The following TMC7 variants were observed in gnomAD, a reference collection of about 807,000 sequenced individuals.
The protein encoded by TMC7 is transmembrane channel like 7, also known as transmembrane channel-like protein 7.
Under a neutral mutation model 82.9 loss-of-function variants are expected in TMC7, and 54 were observed. The ratio of observed to expected loss-of-function variants is 0.65; its 90% CI spans 0.52 to 0.82. The LOEUF (loss-of-function observed/expected upper bound fraction) is 0.82, where lower values mean the gene tolerates loss of function less well. TMC7 is among the 40% of genes least tolerant of loss of function. The pLI is 0.00. For missense variants in TMC7, 820 were observed against 901.2 expected (o/e 0.91, Z 1.15); for synonymous variants, 350 against 337.9 (o/e 1.04, Z -0.39).
rs1960711799 is a variant in TMC7, at chr16:19,035,675, G to T, written c.858-1G>T. 6.2e-7 allele frequency: 1 copy of T among 1,614,028 alleles called. No individual in the cohort carries two copies. The highest frequency in any genetic ancestry group is 1.1e-5 in the South Asian group (1 of 91,078). ...GAAGGATGATTGTGTTTTGGGGTCA[G>T]GTCGGTGGAAGGATTCAAAATCAAC... On this transcript the variant is annotated splice_acceptor_variant, in intron 6 of 15. Coordinates refer to ENST00000304381, the MANE Select transcript of TMC7 (RefSeq NM_024847.4). LOFTEE classifies it high-confidence loss of function.
chr16:19,046,652 T>G (rs970877151), intron 11 of TMC7, among the ~76,000 whole-genome samples: 3 of 151,706 alleles, frequency 2.0e-5, no homozygotes, highest in Admixed American at 1.3e-4. Context: ...CTGGGCAAAA[T>G]AGCGAGACCC....
intron 13 of TMC7, among the ~76,000 whole-genome samples, chr16:19,054,831 G>A (rs565798857): frequency 3.7e-5 from 5 of 133,922 alleles, no homozygotes; most frequent in South Asian, 2.5e-4. Flanking sequence ...TGCAACCTCC[G>A]TCTCCCAGGT....
At chr16:19,008,257 G>C (rs1258790707) in intron 1 of TMC7, among the ~76,000 whole-genome samples, 1 of 152,068 alleles carries the variant, frequency 6.6e-6, no homozygotes, top group East Asian at 1.9e-4. Context: ...CAGAAAGCCC[G>C]CCTGCCTTAG....
chr16:18,994,060 G>A (rs943893672), intron 1 of TMC7, among the ~76,000 whole-genome samples: 1 of 152,154 alleles, frequency 6.6e-6, no homozygotes, highest in Non-Finnish European at 1.5e-5. Flanking sequence ...ACAGTCATGG[G>A]GGTCAGGTGT....
At chr16:19,047,396 AT>A (rs1260977352) in intron 12 of TMC7, 147 bp downstream of exon 12, 1 of 612,574 alleles carries the variant, frequency 1.6e-6, no homozygotes, top group Non-Finnish European at 2.6e-6. Flanking sequence ...CTAGAAAAAT[AT>A]TGCTTTTTTT....
At chr16:18,994,685 C>T (rs575825471) in intron 1 of TMC7, among the ~76,000 whole-genome samples, 1 of 152,094 alleles carries the variant, frequency 6.6e-6, no homozygotes, top group South Asian at 2.1e-4. Context: ...ATGGGTTTGG[C>T]ACCACGGGGT....
chr16:18,996,203 G>T (rs2039041507), intron 1 of TMC7, among the ~76,000 whole-genome samples: 1 of 152,120 alleles, frequency 6.6e-6, no homozygotes, highest in African/African-American at 2.4e-5. Flanking sequence ...GCGAGGAGCA[G>T]CCTGGGGAGA....
intron 1 of TMC7, among the ~76,000 whole-genome samples, chr16:18,985,836 G>A (rs1258831203): frequency 2.6e-5 from 4 of 151,856 alleles, no homozygotes; most frequent in Non-Finnish European, 5.9e-5. Context: ...GGGGTGGGGC[G>A]GGGGATGGGG....
intron 5 of TMC7, among the ~76,000 whole-genome samples, chr16:19,026,071 G>A (rs747414388): frequency 6.6e-6 from 1 of 151,544 alleles, no homozygotes; most frequent in Non-Finnish European, 1.5e-5. Flanking sequence ...CCACTATGCC[G>A]CACCTGATTT....
intron 3 of TMC7, among the ~76,000 whole-genome samples, chr16:19,020,950 C>T (rs937643626): frequency 2.6e-5 from 4 of 151,922 alleles, no homozygotes; most frequent in Non-Finnish European, 5.9e-5. Context: ...GCACAGAAAA[C>T]TATAATAGTA....
intron 1 of TMC7, among the ~76,000 whole-genome samples, chr16:19,000,220 C>G (rs2039118300): frequency 6.6e-6 from 1 of 151,984 alleles, no homozygotes; most frequent in African/African-American, 2.4e-5. Flanking sequence ...AATCCCAGCA[C>G]TTTGGGAGGC....
At chr16:19,055,507 AC>A (rs1044827880) in intron 13 of TMC7, among the ~76,000 whole-genome samples, 5 of 152,020 alleles carry the variant, frequency 3.3e-5, no homozygotes, top group African/African-American at 9.7e-5. Context: ...GCAGGCGCCC[AC>A]CACCATGCCC....
At chr16:19,035,610 A>G (rs1960706825) in intron 6 of TMC7, 66 bp from the exon 7 acceptor site, 4 of 1,602,154 alleles carry the variant, frequency 2.5e-6, no homozygotes, top group Non-Finnish European at 3.4e-6. Context: ...TTTCAGACAC[A>G]GCCAATTCAG....
rs2038797326 is a variant in TMC7 at position 18,984,055 on chromosome 16, G to A, written c.-9G>A. The A allele has an allele frequency of 2.0e-6, 3 of 1,478,042 alleles. No individual in the cohort carries two copies. Among genetic ancestry groups the A allele is most frequent in the Non-Finnish European group, 2.7e-6 (3 of 1,122,040 alleles). The allele number at this position is 1,478,042 out of a possible 1,614,324, so 91.6% of individuals were successfully genotyped here. ...CCTCGGCAGCCTCTGAGGAGCGCGGGGCGCGGCCATGAGCGAGTCCAGCGG... is the reference window on the plus strand; with the variant it reads ...CCTCGGCAGCCTCTGAGGAGCGCGGAGCGCGGCCATGAGCGAGTCCAGCGG... On this transcript the variant is annotated 5_prime_UTR_variant, in exon 1 of 16. Transcript: ENST00000304381.
At chr16:19,026,887 A>G (rs927265325) in intron 5 of TMC7, among the ~76,000 whole-genome samples, 25 of 151,230 alleles carry the variant, frequency 1.7e-4, no homozygotes, top group African/African-American at 6.1e-4. Flanking sequence ...TCAGCCTCCC[A>G]AGTAGCTGGG....
At chr16:19,059,022 C>T (rs778129063) in intron 14 of TMC7, among the ~76,000 whole-genome samples, 4 of 152,228 alleles carry the variant, frequency 2.6e-5, no homozygotes, top group Non-Finnish European at 4.4e-5. Flanking sequence ...GGATTATAGG[C>T]GTCCACCACC....
intron 2 of TMC7, among the ~76,000 whole-genome samples, chr16:19,010,526 A>C (rs1959264581): frequency 6.6e-6 from 1 of 152,192 alleles, no homozygotes; most frequent in African/African-American, 2.4e-5. Context: ...TCAGGGACCC[A>C]GGCTCTTTCC....
chr16:19,015,679 G>A (rs1332941534), intron 2 of TMC7, among the ~76,000 whole-genome samples: 1 of 151,024 alleles, frequency 6.6e-6, no homozygotes, highest in African/African-American at 2.4e-5. Flanking sequence ...CCGGGTTCAA[G>A]AAATTCTTCT....
At chr16:18,990,713 G>A (rs975785925) in intron 1 of TMC7, among the ~76,000 whole-genome samples, 1 of 152,168 alleles carries the variant, frequency 6.6e-6, no homozygotes, top group Admixed American at 6.5e-5. Context: ...GCAGGAGGTG[G>A]ATCTCACAAA....
Sources: allele counts gnomAD v4.1 joint callset (sites outside exome capture counted in the v4.1 genomes callset), GRCh38; gene constraint gnomAD v4.1.1; transcripts MANE v1.5; gene names NCBI Gene and HGNC (gene_info 2026-07-23, HGNC 2026-07-21).